MACROD2: variants seen among roughly 807,000 people sequenced by gnomAD.
MACROD2 encodes the protein mono-ADP ribosylhydrolase 2.
MACROD2 carries 36 observed loss-of-function variants against 70.4 expected under a neutral mutation model. The ratio of observed to expected loss-of-function variants is 0.51; its 90% CI spans 0.39 to 0.68. The LOEUF (loss-of-function observed/expected upper bound fraction) is 0.68. Among genes scored for constraint, MACROD2 ranks in the 30% least tolerant of loss-of-function variants. The pLI is 0.00. For missense variants in MACROD2, 496 were observed against 538.4 expected (o/e 0.92, Z 0.78); for synonymous variants, 172 against 178.8 (o/e 0.96, Z 0.30).
intron 3 of MACROD2, among the ~76,000 whole-genome samples, chr20:14,183,064 T>A (rs114980198): frequency 0.99 from 144,485 of 145,640 alleles, 71,678 homozygotes; most frequent in South Asian, 1. Flanking sequence ...TGTAACCTAT[T>A]TGTTACATAG....
At chr20:14,143,319 T>G (rs779781973) in intron 3 of MACROD2, among the ~76,000 whole-genome samples, 8 of 152,224 alleles carry the variant, frequency 5.3e-5, no homozygotes, top group Non-Finnish European at 8.8e-5. Flanking sequence ...GAAAAGAGAC[T>G]TATTTCTCCA....
chr20:15,204,466 A>C (rs2076684313), intron 5 of MACROD2, among the ~76,000 whole-genome samples: 1 of 152,086 alleles, frequency 6.6e-6, no homozygotes, highest in Non-Finnish European at 1.5e-5. Context: ...CTGAATTGTA[A>C]TGTGCTCATA....
At chr20:14,552,966 C>T (rs1282931389) in intron 4 of MACROD2, among the ~76,000 whole-genome samples, 2 of 151,990 alleles carry the variant, frequency 1.3e-5, no homozygotes, top group African/African-American at 4.8e-5. Context: ...ACTTAGGCTA[C>T]GTTAAATGTA....
At chr20:15,380,723 A>T (rs973015696) in intron 6 of MACROD2, among the ~76,000 whole-genome samples, 5 of 152,208 alleles carry the variant, frequency 3.3e-5, no homozygotes, top group African/African-American at 1.2e-4. Flanking sequence ...AGAAATTAGC[A>T]AACAATATAG....
At chr20:14,805,948 T>C (rs2072633770) in intron 5 of MACROD2, among the ~76,000 whole-genome samples, 1 of 152,086 alleles carries the variant, frequency 6.6e-6, no homozygotes, top group Non-Finnish European at 1.5e-5. Context: ...ATCTGGCATC[T>C]CTTTGCTTCT....
At chr20:14,645,896 T>C (rs1372543642) in intron 4 of MACROD2, among the ~76,000 whole-genome samples, 2 of 151,962 alleles carry the variant, frequency 1.3e-5, no homozygotes, top group Non-Finnish European at 2.9e-5. Context: ...AAACCAAATG[T>C]GCAGAAATGG....
At chr20:15,236,707 A>G (rs1220462957) in intron 6 of MACROD2, among the ~76,000 whole-genome samples, 1 of 152,184 alleles carries the variant, frequency 6.6e-6, no homozygotes, top group African/African-American at 2.4e-5. Flanking sequence ...CCACTAGCTA[A>G]GCATTATGTT....
chr20:14,818,978 A>G (rs995416478), intron 5 of MACROD2, among the ~76,000 whole-genome samples: 1 of 151,654 alleles, frequency 6.6e-6, no homozygotes, highest in Admixed American at 6.6e-5. Context: ...TAAAATCACA[A>G]GCTTGGCTGG....
chr20:14,154,534 C>A (rs1279933310), intron 3 of MACROD2, among the ~76,000 whole-genome samples: 1 of 149,342 alleles, frequency 6.7e-6, no homozygotes, highest in Non-Finnish European at 1.5e-5. Context: ...GACAGGCTCC[C>A]GCCACTACGC....
At chr20:14,769,062 A>T (rs2072130702) in intron 5 of MACROD2, among the ~76,000 whole-genome samples, 1 of 152,088 alleles carries the variant, frequency 6.6e-6, no homozygotes, top group African/African-American at 2.4e-5. Context: ...TGACCTCCTT[A>T]TAGAATATGA....
At chr20:14,537,772 A>T (rs558470597) in intron 4 of MACROD2, among the ~76,000 whole-genome samples, 3 of 152,326 alleles carry the variant, frequency 2.0e-5, no homozygotes, top group East Asian at 3.9e-4. Context: ...AAAGTTGGAA[A>T]TGGCACCAGT....
chr20:14,157,660 A>G (rs1004088323), intron 3 of MACROD2, among the ~76,000 whole-genome samples: 4 of 152,094 alleles, frequency 2.6e-5, no homozygotes, highest in Admixed American at 2.0e-4. Context: ...GCTCCCACAT[A>G]TGATTGAGAA....
intron 3 of MACROD2, among the ~76,000 whole-genome samples, chr20:14,130,404 C>T (rs780741047): frequency 5.5e-4 from 83 of 151,998 alleles, no homozygotes; most frequent in African/African-American, 1.8e-3. Flanking sequence ...AAAAATTAGC[C>T]GAGCGTGATG....
chr20:15,511,830 A>G (rs2047504187), intron 8 of MACROD2, among the ~76,000 whole-genome samples: 1 of 152,188 alleles, frequency 6.6e-6, no homozygotes, highest in Non-Finnish European at 1.5e-5. Context: ...CCTCACCTGT[A>G]AGATAAGGTG....
At chr20:15,067,299 C>A (rs920636645) in intron 5 of MACROD2, among the ~76,000 whole-genome samples, 1 of 152,044 alleles carries the variant, frequency 6.6e-6, no homozygotes, top group African/African-American at 2.4e-5. Context: ...TGTATAAAGA[C>A]TTTAAAAATA....
intron 4 of MACROD2, among the ~76,000 whole-genome samples, chr20:14,639,537 G>A (rs973876324): frequency 2.0e-5 from 3 of 152,136 alleles, no homozygotes; most frequent in Admixed American, 6.5e-5. Flanking sequence ...TGGCCAGACA[G>A]GACTGTGGTT....
At chr20:14,577,693 G>A (rs1336506294) in intron 4 of MACROD2, among the ~76,000 whole-genome samples, 1 of 151,924 alleles carries the variant, frequency 6.6e-6, no homozygotes, top group Non-Finnish European at 1.5e-5. Context: ...GAGGGAGGAC[G>A]ATCACTTGAG....
chr20:14,129,979 T>G (rs2054697269), intron 3 of MACROD2, among the ~76,000 whole-genome samples: 1 of 152,184 alleles, frequency 6.6e-6, no homozygotes, highest in Non-Finnish European at 1.5e-5. Flanking sequence ...AATATTTGTT[T>G]TATAAAAGTT....
At chr20:14,513,688 G>C (rs1444636879) in intron 4 of MACROD2, among the ~76,000 whole-genome samples, 1 of 151,994 alleles carries the variant, frequency 6.6e-6, no homozygotes, top group East Asian at 1.9e-4. Context: ...ATGTACTTGA[G>C]TCTATTTGAT....
Sources: allele counts gnomAD v4.1 joint callset (sites outside exome capture counted in the v4.1 genomes callset), GRCh38; gene constraint gnomAD v4.1.1; transcripts MANE v1.5; gene names NCBI Gene and HGNC (gene_info 2026-07-23, HGNC 2026-07-21).